EHHADH: variants seen among roughly 807,000 people sequenced by gnomAD.
EHHADH encodes peroxisomal bifunctional enzyme.
In EHHADH, 48 loss-of-function variants were observed where a neutral mutation model predicts 64.4. The ratio of observed to expected loss-of-function variants is 0.75; its 90% CI spans 0.59 to 0.95. The LOEUF (loss-of-function observed/expected upper bound fraction) is 0.95, where lower values mean the gene tolerates loss of function less well. EHHADH is among the 40% of genes least tolerant of loss of function. The probability of loss-of-function intolerance (pLI) is 0.00; values close to 1 mark genes in which losing one functional copy is unlikely to be tolerated. For synonymous variants in EHHADH, 308 were observed against 326.7 expected (o/e 0.94, Z 0.62); for missense variants, 854 against 876.6 (o/e 0.97, Z 0.33).
At chr3:185,250,938 C>T (rs1488639424) in intron 1 of EHHADH, among the ~76,000 whole-genome samples, 2 of 152,192 alleles carry the variant, frequency 1.3e-5, no homozygotes, top group African/African-American at 2.4e-5. Context: ...AAGAAACCAG[C>T]TTTTCCCATT....
chr3:185,218,416 C>T lies in EHHADH; in HGVS notation c.464-176G>A, dbSNP rs529394652. On this transcript the variant is annotated intron_variant, in intron 4 of 6. Coordinates refer to ENST00000231887, the MANE Select transcript of EHHADH (RefSeq NM_001966.4). ...AATAGAAAGATCACCACTGAGGTAA[C>T]CAGGAAACTTGGATTCAAGCTCCAG... Among the ~76,000 whole-genome samples the T allele has an allele frequency of 2.0e-5, 3 of 151,998 alleles. No homozygotes were observed. In the East Asian group the frequency reaches 5.8e-4, roughly 29 times the overall value.
At chr3:185,246,433 TC>T in intron 2 of EHHADH, 1 of 510,342 alleles carries the variant, frequency 2.0e-6, no homozygotes, top group Non-Finnish European at 3.2e-6. Context: ...TCATCTCATC[TC>T]CAGATATGGA....
chr3:185,204,407 T>C lies in EHHADH; in HGVS notation c.910+9A>G, dbSNP rs1203262033. On this transcript the variant is annotated intron_variant, in intron 6 of 6. Transcript: ENST00000231887. Reference sequence around the variant, plus strand: ...TTGGAGGATTCCATTCATTACCCCATGGTCTTACCAACAACACCAACTGAG... The same window carrying C: ...TTGGAGGATTCCATTCATTACCCCACGGTCTTACCAACAACACCAACTGAG... 1 of 1,589,988 alleles carries C rather than the reference T, an allele frequency of 6.3e-7. No individual in the cohort carries two copies. The highest frequency in any genetic ancestry group is 1.3e-5 in the African/African-American group (1 of 74,546).
At chr3:185,236,380 G>GT (rs1719296331) in intron 2 of EHHADH, among the ~76,000 whole-genome samples, 2 of 34,516 alleles carry the variant, frequency 5.8e-5, no homozygotes, top group Non-Finnish European at 1.3e-4. Context: ...CACCCTCCCA[G>GT]GCCTGCACCC....
intron 4 of EHHADH, among the ~76,000 whole-genome samples, chr3:185,223,967 G>A (rs1285278191): frequency 6.6e-6 from 1 of 152,118 alleles, no homozygotes; most frequent in Non-Finnish European, 1.5e-5. Flanking sequence ...ATTTTCAGAC[G>A]GCATTCTAAG....
At chr3:185,206,586 G>A (rs1334888841) in intron 5 of EHHADH, among the ~76,000 whole-genome samples, 1 of 152,138 alleles carries the variant, frequency 6.6e-6, no homozygotes, top group African/African-American at 2.4e-5. Context: ...CTAGCACTTT[G>A]GGAGGCCGAG....
At chr3:185,198,845 G>A (rs1440821895) in intron 6 of EHHADH, among the ~76,000 whole-genome samples, 1 of 147,072 alleles carries the variant, frequency 6.8e-6, no homozygotes, top group Non-Finnish European at 1.5e-5. Context: ...GCAAGACCCT[G>A]TCTTCAAAAA....
intron 4 of EHHADH, among the ~76,000 whole-genome samples, chr3:185,224,660 T>C (rs755873063): frequency 9.2e-5 from 14 of 152,284 alleles, no homozygotes; most frequent in Non-Finnish European, 1.9e-4. Context: ...TTTACTATCT[T>C]ATAGTTTAAG....
At chr3:185,198,004 T>C (rs900299065) in intron 6 of EHHADH, among the ~76,000 whole-genome samples, 4 of 151,924 alleles carry the variant, frequency 2.6e-5, no homozygotes, top group South Asian at 2.1e-4. Context: ...ACCATGTTGG[T>C]CAGGCTGGTC....
Position 185,232,433 on chromosome 3 carries a change from C to T in EHHADH, c.351+2857G>A, listed in dbSNP as rs535498995. On this transcript the variant is annotated intron_variant, in intron 3 of 6. Coordinates refer to ENST00000231887, the MANE Select transcript of EHHADH (RefSeq NM_001966.4). The stretch of plus-strand genomic sequence containing the variant: ...TATAGCCATATGATTGAATATTATG[C>T]CGCCACTTATAATGATTTTTTTTCT... Among the ~76,000 whole-genome samples, 41 of 152,164 alleles carry T rather than the reference C, an allele frequency of 2.7e-4. No homozygotes were observed. The South Asian group carries it at 8.3e-3, about 31-fold the overall frequency.
intron 4 of EHHADH, among the ~76,000 whole-genome samples, chr3:185,227,503 G>A (rs1045133392): frequency 1.5e-4 from 22 of 150,942 alleles, no homozygotes; most frequent in Non-Finnish European, 2.8e-4. Flanking sequence ...TTGCATCCCC[G>A]TCTGGGCAAC....
rs781090244 is a variant in EHHADH, at chr3:185,204,730, CAG to C, written c.594_595del (p.Cys199GlnfsTer15). ...GGGCAAGCTCTGAATTGGCTTGTTGCAGAGTCTACGGGATTCTAGAGGTTGAT... is the reference window on the plus strand; with the variant it reads ...GGGCAAGCTCTGAATTGGCTTGTTGCAGTCTACGGGATTCTAGAGGTTGAT... On this transcript the variant is annotated frameshift_variant, in exon 6 of 7. Coordinates refer to ENST00000231887, the MANE Select transcript of EHHADH (RefSeq NM_001966.4). LOFTEE classifies it high-confidence loss of function. 331 of 1,612,364 alleles carry C rather than the reference CAG, an allele frequency of 2.1e-4. No homozygotes were observed. The highest frequency in any genetic ancestry group is 2.5e-4 in the Non-Finnish European group (297 of 1,178,824).
chr3:185,218,484 G>A (rs1718750387), intron 4 of EHHADH, among the ~76,000 whole-genome samples: 3 of 151,938 alleles, frequency 2.0e-5, no homozygotes, highest in African/African-American at 7.3e-5. Flanking sequence ...AACTGCACCA[G>A]GACCACAATT....
intron 6 of EHHADH, among the ~76,000 whole-genome samples, 174 bp downstream of exon 6, chr3:185,204,242 C>T (rs533242999): frequency 2.6e-5 from 4 of 151,544 alleles, no homozygotes; most frequent in South Asian, 2.1e-4. Context: ...AGAAGGCTGG[C>T]GTCTCTAGGC....
At chr3:185,210,331 C>T (rs1194206047) in intron 5 of EHHADH, among the ~76,000 whole-genome samples, 1 of 152,066 alleles carries the variant, frequency 6.6e-6, no homozygotes, top group Non-Finnish European at 1.5e-5. Flanking sequence ...AGTAGCCATG[C>T]CCAGGCCTCA....
chr3:185,253,772 A>AG lies in EHHADH; in HGVS notation c.74+176_74+177insC, dbSNP rs538516047. 16 of 1,332,462 alleles carry AG rather than the reference A, an allele frequency of 1.2e-5. No homozygotes were observed. In the African/African-American group the frequency reaches 1.2e-4, roughly 10 times the overall value. 82.5% of individuals were successfully genotyped at this position (1,332,462 alleles called of 1,614,324 possible). ...AAGCTAATCTAGGTTAAAAAAAAAA[A>AG]AAAAGAAAAGAAAAAGAAAGAAAGA... On this transcript the variant is annotated intron_variant, in intron 1 of 6. Transcript: ENST00000231887.
chr3:185,200,219 T>C (rs909027364), intron 6 of EHHADH, among the ~76,000 whole-genome samples: 5 of 152,212 alleles, frequency 3.3e-5, no homozygotes, highest in Admixed American at 2.0e-4. Context: ...ACTTATATAT[T>C]ACTCCTCTAT....
intron 5 of EHHADH, among the ~76,000 whole-genome samples, chr3:185,213,504 A>G (rs915892394): frequency 2.6e-5 from 4 of 152,190 alleles, no homozygotes; most frequent in Admixed American, 2.6e-4. Context: ...TGTAATTAAC[A>G]TATTGAATTT....
At chr3:185,226,436 G>A (rs1020605966) in intron 4 of EHHADH, among the ~76,000 whole-genome samples, 2 of 152,062 alleles carry the variant, frequency 1.3e-5, no homozygotes, top group African/African-American at 4.8e-5. Flanking sequence ...ATCACCTGTG[G>A]TCAGGAGTTC....
Sources: gnomAD v4.1 joint callset for allele counts (sites outside exome capture counted in the v4.1 genomes callset) on GRCh38, gnomAD v4.1.1 for gene constraint, MANE v1.5 for transcripts, NCBI Gene and HGNC (gene_info 2026-07-23, HGNC 2026-07-21) for gene names.